WDR72: variants seen among roughly 807,000 people sequenced by gnomAD.
The protein encoded by WDR72 is WD repeat-containing protein 72.
A neutral mutation model predicts 124.2 loss-of-function variants in WDR72; 120 were observed. The observed-to-expected ratio is 0.97, with a 90% CI of 0.83 to 1.12. The LOEUF is 1.12. WDR72 is among the 50% of genes most tolerant of loss of function. The pLI, the probability that WDR72 is intolerant of heterozygous loss-of-function variation, is 0.00. For missense variants in WDR72, 1,387 were observed against 1,278.8 expected, an observed-to-expected ratio of 1.08 and a Z score of -1.29; for synonymous variants, 452 against 441.7, an observed-to-expected ratio of 1.02 and a Z score of -0.29.
At chr15:53,629,482 AAAAAAGT>A (rs1376207111) in intron 14 of WDR72, among the ~76,000 whole-genome samples, 1 of 152,112 alleles carries the variant, frequency 6.6e-6, no homozygotes, top group East Asian at 1.9e-4. Context: ...ATGGAAGAAA[AAAAAAGT>A]AAAAATAAAA....
chr15:53,721,595 G>A (rs1227658435), intron 3 of WDR72, among the ~76,000 whole-genome samples: 1 of 152,160 alleles, frequency 6.6e-6, no homozygotes, highest in East Asian at 1.9e-4. Context: ...TATAAGCTAT[G>A]AAAATAGGTA....
intron 18 of WDR72, among the ~76,000 whole-genome samples, chr15:53,527,107 C>G (rs1892160967): frequency 6.6e-6 from 1 of 151,904 alleles, no homozygotes; most frequent in African/African-American, 2.4e-5. Context: ...AATTGTTTGG[C>G]CAAAGAGAAG....
At chr15:53,582,460 T>C (rs1386739627) in intron 18 of WDR72, among the ~76,000 whole-genome samples, 1 of 151,850 alleles carries the variant, frequency 6.6e-6, no homozygotes, top group African/African-American at 2.4e-5. Context: ...GGTGTAAAAA[T>C]ACACACCAAA....
At chr15:53,563,518 C>T in intron 18 of WDR72, among the ~76,000 whole-genome samples, 1 of 151,582 alleles carries the variant, frequency 6.6e-6, no homozygotes. Context: ...CATAGGTAAA[C>T]ACATGTCATG....
chr15:53,740,458 CCA>C (rs1336904119), intron 1 of WDR72, among the ~76,000 whole-genome samples: 1 of 152,138 alleles, frequency 6.6e-6, no homozygotes, highest in Non-Finnish European at 1.5e-5. Flanking sequence ...CAGGCGCCCA[CCA>C]CCGCGCCCGG....
chr15:53,597,006 C>A, intron 18 of WDR72, 73 bp downstream of exon 18: 1 of 1,448,958 alleles, frequency 6.9e-7, no homozygotes, highest in Non-Finnish European at 9.7e-7. Context: ...TTCAGTTGCA[C>A]CACCATAAGT....
At chr15:53,693,695 G>C (rs1262257003) in intron 13 of WDR72, among the ~76,000 whole-genome samples, 1 of 152,112 alleles carries the variant, frequency 6.6e-6, no homozygotes, top group Non-Finnish European at 1.5e-5. Context: ...GAAATTAAAA[G>C]GTGGAAGTTT....
Position 53,544,109 on chromosome 15 carries a change from T to C in WDR72, c.3149-20787A>G, listed in dbSNP as rs551209266. Among the ~76,000 whole-genome samples the C allele has an allele frequency of 8.8e-4, 124 of 141,274 alleles. 2 individuals are homozygous for C. The highest frequency in any genetic ancestry group is 3.1e-3 in the African/African-American group (117 of 37,328). The allele number at this position is 141,274 out of a possible 152,430, so 92.7% of individuals were successfully genotyped here. On this transcript the variant is annotated intron_variant, in intron 18 of 19. Coordinates refer to ENST00000360509, the MANE Select transcript of WDR72 (RefSeq NM_182758.4). ...AAGGAGGAACTGGTACCATTCCTTC[T>C]GAAACTATTCCAATCAATAGAAAAA...
intron 18 of WDR72, among the ~76,000 whole-genome samples, chr15:53,570,086 A>C (rs1489457009): frequency 6.6e-6 from 1 of 152,036 alleles, no homozygotes; most frequent in African/African-American, 2.4e-5. Flanking sequence ...ATGCTTTTGC[A>C]GGAATACACT....
At chr15:53,669,525 G>C (rs1290554062) in intron 13 of WDR72, among the ~76,000 whole-genome samples, 4 of 152,050 alleles carry the variant, frequency 2.6e-5, no homozygotes, top group African/African-American at 9.7e-5. Flanking sequence ...CTTTATGATA[G>C]TTAACAATTC....
intron 12 of WDR72, among the ~76,000 whole-genome samples, chr15:53,700,232 C>T (rs766788961): frequency 7.2e-5 from 11 of 152,148 alleles, no homozygotes; most frequent in Non-Finnish European, 1.6e-4. Flanking sequence ...CAAATTCAGG[C>T]AGCGAGGCAG....
chr15:53,638,419 A>C (rs1423536074), intron 14 of WDR72, among the ~76,000 whole-genome samples: 2 of 152,178 alleles, frequency 1.3e-5, no homozygotes, highest in African/African-American at 4.8e-5. Context: ...CGACACAAGA[A>C]AGAACAATGA....
At chr15:53,613,623 GAAA>G (rs34829468) in intron 16 of WDR72, 40 bp downstream of exon 16, 1 of 1,283,838 alleles carries the variant, frequency 7.8e-7, no homozygotes, top group East Asian at 2.4e-5. Context: ...TCCTTTCACA[GAAA>G]AAAAAAATCA....
chr15:53,678,085 T>A (rs2140473862), intron 13 of WDR72, among the ~76,000 whole-genome samples: 1 of 152,310 alleles, frequency 6.6e-6, no homozygotes, highest in Non-Finnish European at 1.5e-5. Context: ...AGGGATAGAT[T>A]TAAAGTAGGG....
At chr15:53,688,021 G>T (rs907634072) in intron 13 of WDR72, among the ~76,000 whole-genome samples, 6 of 147,098 alleles carry the variant, frequency 4.1e-5, no homozygotes, top group Non-Finnish European at 7.4e-5. Context: ...AACCCTTCAT[G>T]CTAAAAACTC....
intron 14 of WDR72, among the ~76,000 whole-genome samples, chr15:53,634,698 G>A (rs532192061): frequency 3.9e-4 from 60 of 152,318 alleles, no homozygotes; most frequent in Admixed American, 7.2e-4. Context: ...CAGTGCCAAA[G>A]GAAAAACTGC....
intron 18 of WDR72, among the ~76,000 whole-genome samples, chr15:53,556,813 T>C (rs538804554): frequency 2.0e-5 from 3 of 152,246 alleles, no homozygotes; most frequent in South Asian, 4.1e-4. Context: ...TTTACAGAAA[T>C]GTAAATTATG....
At chr15:53,545,181 C>G (rs1595749484) in intron 18 of WDR72, among the ~76,000 whole-genome samples, 3 of 151,408 alleles carry the variant, frequency 2.0e-5, no homozygotes, top group East Asian at 3.9e-4. Context: ...TCATGTGGAA[C>G]CAAAAAAGAG....
intron 16 of WDR72, among the ~76,000 whole-genome samples, chr15:53,611,796 T>C (rs2013550531): frequency 6.6e-6 from 1 of 152,118 alleles, no homozygotes; most frequent in Non-Finnish European, 1.5e-5. Flanking sequence ...GGGTTGTTTT[T>C]ACATTAAATG....
Sources: gnomAD v4.1 joint callset for allele counts (sites outside exome capture counted in the v4.1 genomes callset) on GRCh38, gnomAD v4.1.1 for gene constraint, MANE v1.5 for transcripts, NCBI Gene and HGNC (gene_info 2026-07-23, HGNC 2026-07-21) for gene names.